The following ARIH1 variants were observed in gnomAD, a reference collection of about 807,000 sequenced individuals.
The protein encoded by ARIH1 is E3 ubiquitin-protein ligase ARIH1.
Under a neutral mutation model 85.0 loss-of-function variants are expected in ARIH1, and 8 were observed. The observed-to-expected ratio is 0.09, with a 90% CI of 0.06 to 0.17. The LOEUF (loss-of-function observed/expected upper bound fraction) is 0.17. Ranked by LOEUF, ARIH1 falls within the 10% of genes least tolerant of loss-of-function variation. The pLI, the probability that ARIH1 is intolerant of heterozygous loss-of-function variation, is 1.00. For missense variants in ARIH1, 311 were observed against 718.1 expected (o/e 0.43, Z 6.48); for synonymous variants, 238 against 253.6 (o/e 0.94, Z 0.59).
intron 2 of ARIH1, 54 bp from the exon 3 acceptor site, chr15:72,544,766 C>G: frequency 6.5e-7 from 1 of 1,532,534 alleles, no homozygotes; most frequent in South Asian, 1.2e-5. Context: ...TTTTGGAGAG[C>G]TCTAACAGTG....
At chr15:72,579,380 G>A (rs2064286494) in intron 11 of ARIH1, among the ~76,000 whole-genome samples, 1 of 152,080 alleles carries the variant, frequency 6.6e-6, no homozygotes, top group Non-Finnish European at 1.5e-5. Flanking sequence ...GGTTGGGGGG[G>A]GAGCCCAGAA....
intron 1 of ARIH1, among the ~76,000 whole-genome samples, chr15:72,504,827 T>C (rs902837721): frequency 6.6e-6 from 1 of 152,156 alleles, no homozygotes; most frequent in African/African-American, 2.4e-5. Flanking sequence ...GCCTCTATCA[T>C]TGAACTTCAG....
At chr15:72,579,374 G>GT (rs973639967) in intron 11 of ARIH1, among the ~76,000 whole-genome samples, 3 of 115,196 alleles carry the variant, frequency 2.6e-5, no homozygotes, top group Non-Finnish European at 3.8e-5. Flanking sequence ...TTCAGTGGTT[G>GT]GGGGGGGAGC....
chr15:72,575,162 ATGCAGGCC>A (rs1404228031), intron 11 of ARIH1, among the ~76,000 whole-genome samples: 1 of 152,134 alleles, frequency 6.6e-6, no homozygotes, highest in Non-Finnish European at 1.5e-5. Context: ...TGGATTTGTC[ATGCAGGCC>A]AGAGTTTGTA....
chr15:72,564,561 T>A (rs1278863374), intron 7 of ARIH1, among the ~76,000 whole-genome samples: 1 of 152,232 alleles, frequency 6.6e-6, no homozygotes, highest in Non-Finnish European at 1.5e-5. Flanking sequence ...CTCTACTTAC[T>A]ACCTAGTTTC....
At position 72,533,419 on chromosome 15, in the gene ARIH1, C is replaced by T. The variant is rs773009261; in HGVS notation, c.444-11401C>T. Among the ~76,000 whole-genome samples the T allele has an allele frequency of 1.4e-4, 22 of 152,170 alleles. No individual in the cohort carries two copies. In the East Asian group the frequency reaches 1.5e-3, roughly 11 times the overall value. On this transcript the variant is annotated intron_variant, in intron 2 of 13. Transcript: ENST00000379887. ...GATTATAGGCGTGAGCCCGTGGGCC[C>T]GGCCCCTGGCTGTTAATATTCACTG...
chr15:72,562,157 A>G (rs1449646879), intron 6 of ARIH1, among the ~76,000 whole-genome samples: 3 of 152,262 alleles, frequency 2.0e-5, no homozygotes, highest in Non-Finnish European at 4.4e-5. Context: ...TGAGATTCTA[A>G]CCCTGCTATT....
intron 1 of ARIH1, among the ~76,000 whole-genome samples, chr15:72,484,737 GTATA>G (rs765975811): frequency 8.2e-5 from 12 of 147,036 alleles, no homozygotes; most frequent in Admixed American, 7.0e-5. Context: ...GTGTATATAT[GTATA>G]TATATATGTG....
chr15:72,563,435 C>T lies in ARIH1; in HGVS notation c.846C>T (p.His282=), dbSNP rs752377015. The T allele has an allele frequency of 1.4e-5, 22 of 1,613,964 alleles. No homozygotes were observed. In the Admixed American group the frequency reaches 3.2e-4, roughly 23 times the overall value. The part of the protein sequence containing the change: ...LLKWCPAPDC[H]HVVKVQYPDA... Reference sequence around the variant, plus strand: ...AGTGGTGTCCTGCCCCAGATTGCCACCATGTTGTTAAAGTCCAATATCCTG... The same window carrying T: ...AGTGGTGTCCTGCCCCAGATTGCCATCATGTTGTTAAAGTCCAATATCCTG... The change falls in exon 7 of 14, where the codon CAC becomes CAT. Residue 282 remains histidine (H), a synonymous_variant. Coordinates refer to ENST00000379887, the MANE Select transcript of ARIH1 (RefSeq NM_005744.5).
Position 72,593,783 on chromosome 15 carries a change from C to T in ARIH1, c.*10491C>T, listed in dbSNP as rs1335753076. 8 of 151,680 alleles carry T rather than the reference C, an allele frequency of 5.3e-5. No individual in the cohort carries two copies. Among genetic ancestry groups the T allele is most frequent in the Admixed American group, 5.3e-4 (8 of 15,228 alleles). 9.4% of individuals were successfully genotyped at this position (151,680 alleles called of 1,614,324 possible). Reference sequence around the variant, plus strand: ...TTTTCAAGATCGCTTTGGTTATTGTCGATTCTTTGGATTGTCATAAAAGTT... The same window carrying T: ...TTTTCAAGATCGCTTTGGTTATTGTTGATTCTTTGGATTGTCATAAAAGTT... On this transcript the variant is annotated 3_prime_UTR_variant, in exon 14 of 14. Coordinates refer to ENST00000379887, the MANE Select transcript of ARIH1 (RefSeq NM_005744.5).
intron 1 of ARIH1, chr15:72,475,260 G>A (rs2063789939): frequency 1.2e-6 from 1 of 806,582 alleles, no homozygotes; most frequent in Non-Finnish European, 1.7e-6. Context: ...GGAGGCCTTC[G>A]GTCGCCTAAG....
chr15:72,488,920 G>A (rs893441348), intron 1 of ARIH1, among the ~76,000 whole-genome samples: 1 of 152,136 alleles, frequency 6.6e-6, no homozygotes, highest in Non-Finnish European at 1.5e-5. Context: ...CTGGCGCTGG[G>A]TGTGAACTGA....
In ARIH1 at chr15:72,551,129, A is replaced by G. The variant is rs554741950; in HGVS notation, c.589-4142A>G. ...CATGTCACATAATGGCTAAATAGAA[A>G]ATCTAAGGGAATTTTAAAATACCCT... On this transcript the variant is annotated intron_variant, in intron 3 of 13. Coordinates refer to ENST00000379887, the MANE Select transcript of ARIH1 (RefSeq NM_005744.5). 4.1e-3 allele frequency among the ~76,000 whole-genome samples: 629 copies of G among 152,344 alleles called. 2 individuals carry two copies. The highest frequency in any genetic ancestry group is 6.8e-3 in the Non-Finnish European group (466 of 68,032).
At chr15:72,500,195 G>A (rs1233844704) in intron 1 of ARIH1, among the ~76,000 whole-genome samples, 1 of 151,818 alleles carries the variant, frequency 6.6e-6, no homozygotes, top group East Asian at 1.9e-4. Context: ...CTGTGTTCAA[G>A]CGATTTCTCC....
At chr15:72,549,852 G>T (rs1359024464) in intron 3 of ARIH1, among the ~76,000 whole-genome samples, 5 of 152,132 alleles carry the variant, frequency 3.3e-5, no homozygotes, top group African/African-American at 1.2e-4. Context: ...TCTCTTGATC[G>T]GATGTATTTG....
chr15:72,546,437 G>T (rs925730415), intron 3 of ARIH1, among the ~76,000 whole-genome samples: 5 of 152,170 alleles, frequency 3.3e-5, no homozygotes, highest in African/African-American at 1.2e-4. Flanking sequence ...TAACTCTAAC[G>T]TGAAATTTTT....
At chr15:72,555,816 T>C in intron 4 of ARIH1, 36 bp from the exon 5 acceptor site, 1 of 1,579,300 alleles carries the variant, frequency 6.3e-7, no homozygotes, top group East Asian at 2.2e-5. Flanking sequence ...TAAATATTTG[T>C]TGAATGAAGA....
chr15:72,482,968 G>A (rs1386499230), intron 1 of ARIH1, among the ~76,000 whole-genome samples: 1 of 151,726 alleles, frequency 6.6e-6, no homozygotes, highest in Non-Finnish European at 1.5e-5. Flanking sequence ...AGCCTCCTGA[G>A]TAGTTGGGAC....
intron 3 of ARIH1, among the ~76,000 whole-genome samples, chr15:72,545,455 G>A (rs2064124895): frequency 6.6e-6 from 1 of 152,174 alleles, no homozygotes; most frequent in South Asian, 2.1e-4. Flanking sequence ...GGACAGAGTT[G>A]GAGCAGAACC....
Sources: allele counts gnomAD v4.1 joint callset (sites outside exome capture counted in the v4.1 genomes callset), GRCh38; gene constraint gnomAD v4.1.1; transcripts MANE v1.5; gene names NCBI Gene and HGNC (gene_info 2026-07-23, HGNC 2026-07-21).